IFT80: variants seen among roughly 807,000 people sequenced by gnomAD.
IFT80 encodes intraflagellar transport protein 80 homolog.
Under a neutral mutation model 107.9 loss-of-function variants are expected in IFT80, and 79 were observed. The observed-to-expected ratio is 0.73, with a 90% CI of 0.61 to 0.88. The LOEUF (loss-of-function observed/expected upper bound fraction) is 0.88, where lower values mean the gene tolerates loss of function less well. IFT80 is among the 40% of genes least tolerant of loss of function. IFT80 has a pLI of 0.00. For synonymous variants in IFT80, 299 were observed against 300.9 expected (o/e 0.99, Z 0.07); for missense variants, 797 against 914.2 (o/e 0.87, Z 1.65).
At chr3:160,336,939 G>A (rs1200693420) in intron 8 of IFT80, among the ~76,000 whole-genome samples, 2 of 152,002 alleles carry the variant, frequency 1.3e-5, no homozygotes, top group African/African-American at 2.4e-5. Flanking sequence ...TCCACTATAA[G>A]CAATATGAAA....
At chr3:160,287,972 TA>T (rs1395836964) in intron 12 of IFT80, among the ~76,000 whole-genome samples, 2 of 152,130 alleles carry the variant, frequency 1.3e-5, no homozygotes, top group African/African-American at 2.4e-5. Context: ...AAATGATCCC[TA>T]AGAGAATAGG....
In IFT80 at chr3:160,288,188, C is replaced by T. The variant is rs1449056853; in HGVS notation, c.1316-2320G>A. Among the ~76,000 whole-genome samples, 3 of 152,252 alleles carry T rather than the reference C, an allele frequency of 2.0e-5. No homozygotes were observed. In the East Asian group the frequency reaches 5.8e-4, roughly 29 times the overall value. On this transcript the variant is annotated intron_variant, in intron 12 of 19. Transcript: ENST00000326448. Reference sequence around the variant, plus strand: ...CTCTACTAAAAATACAAAAAATTAGCCAGGCGTGGCAGCCTGCGCCTGTAG... The same window carrying T: ...CTCTACTAAAAATACAAAAAATTAGTCAGGCGTGGCAGCCTGCGCCTGTAG...
At chr3:160,286,924 T>C (rs2108242842) in intron 12 of IFT80, among the ~76,000 whole-genome samples, 1 of 152,202 alleles carries the variant, frequency 6.6e-6, no homozygotes, top group South Asian at 2.1e-4. Flanking sequence ...AGACTCTTGG[T>C]GGGCCCCTAG....
intron 11 of IFT80, among the ~76,000 whole-genome samples, chr3:160,302,591 T>C (rs1421037685): frequency 6.6e-6 from 1 of 152,096 alleles, no homozygotes; most frequent in African/African-American, 2.4e-5. Flanking sequence ...TGGCTATTTA[T>C]GCCATTAATA....
intron 8 of IFT80, among the ~76,000 whole-genome samples, chr3:160,352,246 G>A (rs1035009913): frequency 2.0e-5 from 3 of 151,470 alleles, no homozygotes; most frequent in Non-Finnish European, 2.9e-5. Context: ...TGCCTGCCTC[G>A]GCCTCCCAAA....
chr3:160,370,144 C>T (rs925431042), intron 5 of IFT80, among the ~76,000 whole-genome samples: 5 of 152,168 alleles, frequency 3.3e-5, no homozygotes, highest in South Asian at 2.1e-4. Context: ...CCCCTAAAAA[C>T]GCTGTTTTTG....
intron 12 of IFT80, among the ~76,000 whole-genome samples, chr3:160,294,918 A>G (rs1715857360): frequency 1.3e-5 from 2 of 152,230 alleles, no homozygotes; most frequent in African/African-American, 4.8e-5. Context: ...TTTAAAGTAG[A>G]TGATTATTTT....
intron 12 of IFT80, among the ~76,000 whole-genome samples, chr3:160,290,344 G>T (rs559213614): frequency 6.6e-6 from 1 of 151,292 alleles, no homozygotes; most frequent in South Asian, 2.1e-4. Context: ...GGAGGAGGAG[G>T]TTGCAGTGAG....
chr3:160,291,018 T>C (rs1043890893), intron 12 of IFT80, among the ~76,000 whole-genome samples: 3 of 152,182 alleles, frequency 2.0e-5, no homozygotes, highest in African/African-American at 7.2e-5. Context: ...GAATGCAAAA[T>C]GGGAATCAAT....
At chr3:160,399,116 C>T (rs1714136994) in intron 1 of IFT80, 30 bp downstream of exon 1, 1 of 152,288 alleles carries the variant, frequency 6.6e-6, no homozygotes, top group African/African-American at 2.4e-5. Context: ...AAACCCTTTT[C>T]TCACCAGGTC....
chr3:160,332,109 T>C (rs1472934601), intron 8 of IFT80, among the ~76,000 whole-genome samples: 4 of 152,234 alleles, frequency 2.6e-5, no homozygotes, highest in African/African-American at 9.6e-5. Context: ...ATTTAGAGTC[T>C]TGATCAGATT....
At chr3:160,360,826 C>T (rs901127778) in intron 6 of IFT80, among the ~76,000 whole-genome samples, 3 of 152,132 alleles carry the variant, frequency 2.0e-5, no homozygotes, top group Non-Finnish European at 2.9e-5. Context: ...TTTGTCACCA[C>T]CAGGCCTGCC....
At chr3:160,351,729 AATG>A (rs1423466509) in intron 8 of IFT80, among the ~76,000 whole-genome samples, 1 of 141,536 alleles carries the variant, frequency 7.1e-6, no homozygotes, top group Non-Finnish European at 1.5e-5. Context: ...TAAAAATCTA[AATG>A]ATAACTGTAT....
At chr3:160,356,230 A>T in intron 7 of IFT80, 80 bp from the exon 8 acceptor site, 1 of 1,225,112 alleles carries the variant, frequency 8.2e-7, no homozygotes, top group South Asian at 1.4e-5. Context: ...AATAAATAAA[A>T]TAAAAATGTT....
intron 12 of IFT80, among the ~76,000 whole-genome samples, chr3:160,296,076 T>C (rs1316188131): frequency 6.6e-6 from 1 of 152,200 alleles, no homozygotes; most frequent in East Asian, 1.9e-4. Context: ...ATCTGCTGTC[T>C]AACATTGTAC....
chr3:160,381,864 G>T, intron 2 of IFT80, 140 bp from the exon 3 acceptor site: 3 of 676,582 alleles, frequency 4.4e-6, no homozygotes, highest in African/African-American at 1.9e-5. Flanking sequence ...TTTTATGACT[G>T]GTATTTTTTT....
At chr3:160,356,460 C>G (rs552039724) in intron 7 of IFT80, among the ~76,000 whole-genome samples, 2 of 152,144 alleles carry the variant, frequency 1.3e-5, no homozygotes, top group African/African-American at 4.8e-5. Flanking sequence ...ATAAAATCTA[C>G]CCATTTTAAG....
chr3:160,320,709 G>A (rs554669523), intron 8 of IFT80, among the ~76,000 whole-genome samples: 2 of 151,734 alleles, frequency 1.3e-5, no homozygotes, highest in African/African-American at 2.4e-5. Flanking sequence ...GCCTTACAGC[G>A]TATAATCACA....
chr3:160,341,142 A>G (rs1169864955), intron 8 of IFT80, among the ~76,000 whole-genome samples: 5 of 152,114 alleles, frequency 3.3e-5, no homozygotes, highest in Admixed American at 3.3e-4. Context: ...AGTAGCTACA[A>G]CTACAGGTGC....
Sources: allele counts gnomAD v4.1 joint callset (sites outside exome capture counted in the v4.1 genomes callset), GRCh38; gene constraint gnomAD v4.1.1; transcripts MANE v1.5; gene names NCBI Gene and HGNC (gene_info 2026-07-23, HGNC 2026-07-21).